LYRM4: variants seen among roughly 807,000 people sequenced by gnomAD.
The protein encoded by LYRM4 is LYR motif-containing protein 4.
LYRM4 carries 9 observed loss-of-function variants against 11.7 expected under a neutral mutation model. The ratio of observed to expected loss-of-function variants is 0.77; its 90% CI spans 0.46 to 1.34. The LOEUF (loss-of-function observed/expected upper bound fraction) is 1.34. LYRM4 is among the 40% of genes most tolerant of loss of function. The probability of loss-of-function intolerance (pLI) is 0.00; values close to 1 mark genes in which losing one functional copy is unlikely to be tolerated. For missense variants in LYRM4, 133 were observed against 112.5 expected (o/e 1.18, Z -0.82); for synonymous variants, 42 against 40.4 (o/e 1.04, Z -0.15).
downstream of LYRM4, chr6:5,102,807 A>G (rs1376197842): frequency 1.3e-5 from 2 of 152,174 alleles, no homozygotes; most frequent in Non-Finnish European, 2.9e-5. Flanking sequence ...TTCCAGCTCT[A>G]TTGGTGTCAG....
At chr6:5,253,449 T>C (rs1764522700) in intron 1 of LYRM4, among the ~76,000 whole-genome samples, 2 of 152,166 alleles carry the variant, frequency 1.3e-5, no homozygotes, top group African/African-American at 4.8e-5. Flanking sequence ...GCTAATGACT[T>C]GCTGTTTATG....
chr6:5,122,833 G>T (rs765548328), intron 2 of LYRM4, among the ~76,000 whole-genome samples: 1 of 152,176 alleles, frequency 6.6e-6, no homozygotes. Context: ...TCTCCTTCAC[G>T]CTCAGCATCC....
At chr6:5,235,535 T>C (rs1487647131) in intron 1 of LYRM4, among the ~76,000 whole-genome samples, 1 of 152,232 alleles carries the variant, frequency 6.6e-6, no homozygotes. Flanking sequence ...TTTTCTTCAT[T>C]ATTCATTTAA....
At chr6:5,093,943 A>C in the LYRM4 span, among the ~76,000 whole-genome samples, 1 of 152,222 alleles carries the variant, frequency 6.6e-6, no homozygotes, top group Non-Finnish European at 1.5e-5. Context: ...CTGCCTGTGC[A>C]GGGTCCTGAC....
intron 2 of LYRM4, among the ~76,000 whole-genome samples, chr6:5,125,572 A>C (rs1763663538): frequency 6.6e-6 from 1 of 152,200 alleles, no homozygotes; most frequent in Non-Finnish European, 1.5e-5. Flanking sequence ...CAGAAGAGGA[A>C]CAAGAATCCC....
At chr6:5,172,161 C>T (rs924778647) in intron 2 of LYRM4, among the ~76,000 whole-genome samples, 2 of 152,194 alleles carry the variant, frequency 1.3e-5, no homozygotes, top group Non-Finnish European at 2.9e-5. Context: ...ATACTAACCA[C>T]CTGACGACAG....
intron 2 of LYRM4, among the ~76,000 whole-genome samples, chr6:5,203,018 A>G (rs1242469602): frequency 1.3e-5 from 2 of 152,234 alleles, no homozygotes; most frequent in African/African-American, 2.4e-5. Context: ...CCAAAAAGTC[A>G]CATAAGCAAC....
chr6:5,230,798 A>G (rs1763191837), intron 1 of LYRM4, among the ~76,000 whole-genome samples: 1 of 152,180 alleles, frequency 6.6e-6, no homozygotes, highest in Non-Finnish European at 1.5e-5. Context: ...CACTGGCAAC[A>G]ACACATGAGC....
chr6:5,128,689 C>T (rs999421922), intron 2 of LYRM4, among the ~76,000 whole-genome samples: 2 of 152,236 alleles, frequency 1.3e-5, no homozygotes, highest in African/African-American at 2.4e-5. Context: ...AACCCTCTTA[C>T]TGTTCTTTTG....
At chr6:5,047,379 ACCT>A in the LYRM4 span, among the ~76,000 whole-genome samples, 2 of 152,040 alleles carry the variant, frequency 1.3e-5, no homozygotes, top group African/African-American at 2.4e-5. Context: ...CTACTTTTAG[ACCT>A]CCTCATTTTC....
chr6:5,248,157 A>G (rs917802910), intron 1 of LYRM4, among the ~76,000 whole-genome samples: 4 of 152,240 alleles, frequency 2.6e-5, no homozygotes, highest in Non-Finnish European at 4.4e-5. Flanking sequence ...TCTTCTTCCA[A>G]TGATATTCTC....
chr6:5,135,769 A>C (rs548055395), intron 2 of LYRM4, among the ~76,000 whole-genome samples: 2 of 152,168 alleles, frequency 1.3e-5, no homozygotes, highest in African/African-American at 4.8e-5. Flanking sequence ...AAAACACAAC[A>C]TTTATCATTT....
At chr6:5,067,205 A>C in the LYRM4 span, among the ~76,000 whole-genome samples, 1 of 152,234 alleles carries the variant, frequency 6.6e-6, no homozygotes, top group Non-Finnish European at 1.5e-5. Context: ...AAGCATTTAT[A>C]GATATTTATG....
rs142733549 is a variant in LYRM4, at chr6:5,192,026, T to A, written c.207+24592A>T. Among the ~76,000 whole-genome samples the A allele has an allele frequency of 9.4e-4, 143 of 152,320 alleles. 1 individual carries two copies. Among genetic ancestry groups the A allele is most frequent in the Admixed American group, 2.9e-3 (45 of 15,306 alleles). ...GTTAAAAAAAATGCAGGAGAGCTAA[T>A]GCATGCAATGCTTGATGCTTGCATG... On this transcript the variant is annotated intron_variant, in intron 2 of 2. Transcript: ENST00000330636.
At chr6:5,171,902 A>G (rs1161715754) in intron 2 of LYRM4, among the ~76,000 whole-genome samples, 3 of 152,198 alleles carry the variant, frequency 2.0e-5, no homozygotes, top group Non-Finnish European at 2.9e-5. Flanking sequence ...AAACCTACTC[A>G]GAGTTCATCA....
rs536164974 is a variant in LYRM4 at position 5,149,232 on chromosome 6, C to T, written c.208-39741G>A. 1.9e-3 allele frequency among the ~76,000 whole-genome samples: 292 copies of T among 152,260 alleles called. 4 individuals are homozygous for T. The highest frequency in any genetic ancestry group is 1.5e-3 in the South Asian group (7 of 4,822). ...TGTGGTGATAACACTAAAATGAGGG[C>T]CTGAAAGAAGCCCCGACACGTGGGA... is the stretch of plus-strand genomic sequence containing the variant. On this transcript the variant is annotated intron_variant, in intron 2 of 2. Transcript: ENST00000330636.
intron 1 of LYRM4, among the ~76,000 whole-genome samples, chr6:5,217,304 T>C (rs765684015): frequency 6.6e-6 from 1 of 152,232 alleles, no homozygotes; most frequent in Non-Finnish European, 1.5e-5. Context: ...GTTGAACCTG[T>C]GGAATTAGGC....
chr6:5,117,031 A>G (rs993459627), intron 2 of LYRM4, among the ~76,000 whole-genome samples: 1 of 152,070 alleles, frequency 6.6e-6, no homozygotes, highest in Non-Finnish European at 1.5e-5. Flanking sequence ...TGGAATCCCT[A>G]CTCCTGCCTC....
At chr6:5,260,442 G>A (rs1416829861) in intron 1 of LYRM4, among the ~76,000 whole-genome samples, 2 of 152,234 alleles carry the variant, frequency 1.3e-5, no homozygotes, top group East Asian at 1.9e-4. Flanking sequence ...GTCTCCCCTG[G>A]TAGAAAGAAA....
Sources: allele counts gnomAD v4.1 joint callset (sites outside exome capture counted in the v4.1 genomes callset), GRCh38; gene constraint gnomAD v4.1.1; transcripts MANE v1.5; gene names NCBI Gene and HGNC (gene_info 2026-07-23, HGNC 2026-07-21).